The following XYLT1 variants were observed in gnomAD, a reference collection of about 807,000 sequenced individuals.
XYLT1 encodes beta-D-xylosyltransferase 1.
Under a neutral mutation model 91.3 loss-of-function variants are expected in XYLT1, and 36 were observed. That is an observed-to-expected ratio of 0.39 (90% CI 0.30 to 0.52). XYLT1 has a LOEUF of 0.52. Among genes scored for constraint, XYLT1 ranks in the 20% least tolerant of loss-of-function variants. The probability of loss-of-function intolerance (pLI) is 0.68; values close to 1 mark genes in which losing one functional copy is unlikely to be tolerated. For missense variants in XYLT1, 1,242 were observed against 1,284.5 expected (o/e 0.97, Z 0.51); for synonymous variants, 588 against 532.0 (o/e 1.11, Z -1.45).
At chr16:17,358,161 G>A (rs1161193532) in intron 1 of XYLT1, 111 bp from the exon 2 acceptor site, 39 of 1,117,492 alleles carry the variant, frequency 3.5e-5, no homozygotes, top group Middle Eastern at 2.6e-4. Flanking sequence ...ACAGGGTCTC[G>A]CTTTGTTGCC....
At chr16:17,155,221 G>A (rs959905580) in intron 6 of XYLT1, among the ~76,000 whole-genome samples, 3 of 152,182 alleles carry the variant, frequency 2.0e-5, no homozygotes, top group Admixed American at 6.5e-5. Context: ...CTGTGAGTTT[G>A]AGCAAGTAAC....
At chr16:17,315,976 G>A (rs749057258) in intron 2 of XYLT1, among the ~76,000 whole-genome samples, 17 of 152,148 alleles carry the variant, frequency 1.1e-4, no homozygotes, top group Non-Finnish European at 2.2e-4. Flanking sequence ...AAGACGCCAG[G>A]AGAAGCTTAG....
At chr16:17,232,065 A>AT (rs1181763428) in intron 3 of XYLT1, among the ~76,000 whole-genome samples, 5 of 147,952 alleles carry the variant, frequency 3.4e-5, no homozygotes, top group Admixed American at 2.7e-4. Flanking sequence ...TGGTCCCGTA[A>AT]GATATTATAA....
intron 5 of XYLT1, among the ~76,000 whole-genome samples, chr16:17,197,710 A>G (rs984660853): frequency 2.0e-5 from 3 of 152,158 alleles, no homozygotes; most frequent in Admixed American, 6.5e-5. Flanking sequence ...ATCAGACTCC[A>G]AGTTCTTCAG....
intron 10 of XYLT1, among the ~76,000 whole-genome samples, chr16:17,126,061 C>A (rs1444945022): frequency 2.0e-5 from 3 of 152,158 alleles, no homozygotes; most frequent in East Asian, 1.9e-4. Flanking sequence ...TTCTTCCTTG[C>A]CTTTCTGTTC....
chr16:17,412,503 T>C (rs1479002448), intron 1 of XYLT1, among the ~76,000 whole-genome samples: 3 of 128,216 alleles, frequency 2.3e-5, no homozygotes, highest in African/African-American at 3.0e-5. Context: ...ACAGATTAAA[T>C]ACCGTGGTAA....
intron 3 of XYLT1, among the ~76,000 whole-genome samples, chr16:17,243,883 C>T (rs1429247992): frequency 6.6e-6 from 1 of 152,104 alleles, no homozygotes; most frequent in Non-Finnish European, 1.5e-5. Flanking sequence ...GAACTTGCCC[C>T]ATGGAGAGAA....
At chr16:17,249,003 G>A (rs1596447457) in intron 3 of XYLT1, among the ~76,000 whole-genome samples, 1 of 151,968 alleles carries the variant, frequency 6.6e-6, no homozygotes, top group Non-Finnish European at 1.5e-5. Context: ...TTACAGGCAT[G>A]AGCCACCGCA....
At chr16:17,431,641 A>G (rs114369306) in intron 1 of XYLT1, among the ~76,000 whole-genome samples, 2,331 of 152,314 alleles carry the variant, frequency 0.015, 62 homozygotes, top group African/African-American at 0.054. Flanking sequence ...AAAATGCTAC[A>G]CCGTTTTTAA....
chr16:17,283,947 C>T (rs908913546), intron 2 of XYLT1, among the ~76,000 whole-genome samples: 2 of 152,204 alleles, frequency 1.3e-5, no homozygotes, highest in African/African-American at 4.8e-5. Flanking sequence ...ATCCGCACTA[C>T]CACTATACAC....
At chr16:17,233,206 C>T (rs1367241406) in intron 3 of XYLT1, among the ~76,000 whole-genome samples, 1 of 152,170 alleles carries the variant, frequency 6.6e-6, no homozygotes, top group African/African-American at 2.4e-5. Context: ...ATTTTGCATC[C>T]CCTGCCGGCT....
In XYLT1 at chr16:17,175,982, C is replaced by G. The variant is rs534035746; in HGVS notation, c.1290-17073G>C. 1.4e-4 allele frequency among the ~76,000 whole-genome samples: 21 copies of G among 152,246 alleles called. 1 individual carries two copies. The South Asian group carries it at 3.3e-3, about 24-fold the overall frequency. On this transcript the variant is annotated intron_variant, in intron 5 of 11. Transcript: ENST00000261381. ...AAGACATTAAGTAAAGACAAAACCC[C>G]TCCACTGGTCCTCAATCTAGGAATA...
intron 3 of XYLT1, among the ~76,000 whole-genome samples, chr16:17,231,019 C>T (rs778634762): frequency 3.3e-5 from 5 of 152,228 alleles, no homozygotes; most frequent in Admixed American, 6.5e-5. Flanking sequence ...CAGAATCCCA[C>T]TTTGATGCTC....
At chr16:17,358,777 C>G (rs2035341347) in intron 1 of XYLT1, among the ~76,000 whole-genome samples, 2 of 152,142 alleles carry the variant, frequency 1.3e-5, no homozygotes. Flanking sequence ...AAAGTCCTGA[C>G]TAGGAACAAG....
rs1364685291 is a variant in XYLT1, at chr16:17,470,621, G to A, written c.176C>T (p.Pro59Leu). The A allele has an allele frequency of 3.6e-6, 4 of 1,115,104 alleles. No homozygotes were observed. The highest frequency in any genetic ancestry group is 3.9e-4 in the Middle Eastern group (1 of 2,578). The allele number at this position is 1,115,104 out of a possible 1,614,324, so 69.1% of individuals were successfully genotyped here. A position where few individuals can be genotyped will look rare whatever the true frequency, so the allele number is the denominator to read the frequency against. Reference protein sequence around the residue: ...AAVGGGEQPPPAPAPRRERRD... With the variant: ...AAVGGGEQPPLAPAPRRERRD... ...GCGCTCCCGGCGCGGGGCCGGGGCC[G>A]GGGGCGGCTGCTCCCCGCCGCCGAC... The change falls in exon 1 of 12, where the codon CCG becomes CTG. Residue 59 changes from proline to leucine, a missense_variant. Coordinates refer to ENST00000261381, the MANE Select transcript of XYLT1 (RefSeq NM_022166.4).
At chr16:17,347,518 C>T (rs1031188336) in intron 2 of XYLT1, among the ~76,000 whole-genome samples, 2 of 152,174 alleles carry the variant, frequency 1.3e-5, no homozygotes, top group African/African-American at 2.4e-5. Flanking sequence ...TTTTGGGGGA[C>T]AGTTTTCACA....
At chr16:17,405,067 C>T (rs977641036) in intron 1 of XYLT1, among the ~76,000 whole-genome samples, 16 of 150,042 alleles carry the variant, frequency 1.1e-4, no homozygotes, top group African/African-American at 3.2e-4. Context: ...CAAACGGCCT[C>T]GCCACCCCGC....
At chr16:17,342,890 T>C (rs1291466482) in intron 2 of XYLT1, among the ~76,000 whole-genome samples, 1 of 152,056 alleles carries the variant, frequency 6.6e-6, no homozygotes, top group Admixed American at 6.5e-5. Flanking sequence ...TATTATCACA[T>C]GATAATATGA....
chr16:17,129,272 T>G (rs997687966), intron 9 of XYLT1, among the ~76,000 whole-genome samples: 14 of 152,120 alleles, frequency 9.2e-5, no homozygotes, highest in African/African-American at 3.1e-4. Context: ...TTTTATTTAT[T>G]TATTTTTGAG....
Sources: gnomAD v4.1 joint callset for allele counts (sites outside exome capture counted in the v4.1 genomes callset) on GRCh38, gnomAD v4.1.1 for gene constraint, MANE v1.5 for transcripts, NCBI Gene and HGNC (gene_info 2026-07-23, HGNC 2026-07-21) for gene names.